Variants in SRGAP1 observed in about 807,000 individuals in gnomAD.
SRGAP1 encodes the protein SLIT-ROBO Rho GTPase-activating protein 1.
SRGAP1 carries 43 observed loss-of-function variants against 121.9 expected under a neutral mutation model. The ratio of observed to expected loss-of-function variants is 0.35; its 90% confidence interval spans 0.28 to 0.46. The LOEUF (loss-of-function observed/expected upper bound fraction) is 0.46, where lower values mean the gene tolerates loss of function less well. Among genes scored for constraint, SRGAP1 ranks in the 20% least tolerant of loss-of-function variants. The pLI is 1.00. For missense variants in SRGAP1, 1,102 were observed against 1,350.9 expected, an observed-to-expected ratio of 0.82 and a Z score of 2.89; for synonymous variants, 447 against 485.4, an observed-to-expected ratio of 0.92 and a Z score of 1.04.
chr12:64,127,891 A>G lies in SRGAP1; in HGVS notation c.2571A>G (p.Pro857=), dbSNP rs1304945423. ...GAAAAAGAGGAGAGCCACCCCCTCC[A>G]GTAAGGCGTCCTGGCAGGACCAGTG... ...RQRKRGEPPP[P]VRRPGRTSDG... Residue 857 remains proline, a synonymous_variant, in exon 21 of 22, where the codon CCA becomes CCG. Coordinates refer to ENST00000355086, the MANE Select transcript of SRGAP1 (RefSeq NM_020762.4). 2 of 1,613,094 alleles carry G rather than the reference A, an allele frequency of 1.2e-6. No homozygotes were observed. Among genetic ancestry groups the G allele is most frequent in the Non-Finnish European group, 1.7e-6 (2 of 1,179,276 alleles).
chr12:63,862,976 A>G (rs1899505048), intron 1 of SRGAP1, among the ~76,000 whole-genome samples: 1 of 152,168 alleles, frequency 6.6e-6, no homozygotes, highest in Non-Finnish European at 1.5e-5. Flanking sequence ...GCACCTTTTT[A>G]GAAACTTGCA....
chr12:64,156,777 G>T lies in SRGAP1; in HGVS notation c.*14105G>T, dbSNP rs2037167263. ...AATCACATTTGCCATGTTTTCTATG[G>T]CTTTGGGCTGCTGCTGCATCACTGC... On this transcript the variant is annotated 3_prime_UTR_variant, in exon 22 of 22. Coordinates refer to ENST00000355086, the MANE Select transcript of SRGAP1 (RefSeq NM_020762.4). 6.6e-6 allele frequency: 1 copy of T among 152,198 alleles called. No individual in the cohort carries two copies. 9.4% of individuals were successfully genotyped at this position (152,198 alleles called of 1,614,324 possible). A position where few individuals can be genotyped will look rare whatever the true frequency, so the allele number is the denominator to read the frequency against.
chr12:63,987,050 T>A (rs1014066255), intron 2 of SRGAP1, among the ~76,000 whole-genome samples: 3 of 152,236 alleles, frequency 2.0e-5, no homozygotes, highest in African/African-American at 7.2e-5. Flanking sequence ...TTACTTAACC[T>A]CTCTGAGCCT....
intron 1 of SRGAP1, among the ~76,000 whole-genome samples, chr12:63,948,797 T>TATATATATATTCC (rs59473716): frequency 7.0e-6 from 1 of 142,848 alleles, no homozygotes; most frequent in Non-Finnish European, 1.5e-5. Flanking sequence ...ATGTTTTCCA[T>TATATATATATTCC]ATATATATAT....
intron 1 of SRGAP1, among the ~76,000 whole-genome samples, chr12:63,955,327 A>C (rs1295839186): frequency 2.0e-5 from 3 of 152,222 alleles, no homozygotes; most frequent in Non-Finnish European, 4.4e-5. Context: ...TCAAGAAAAA[A>C]AATAAATAAA....
At position 64,097,367 on chromosome 12, in the gene SRGAP1, C is replaced by A. The variant is rs2036177553; in HGVS notation, c.1805C>A (p.Ser602Tyr). 6.2e-7 allele frequency: 1 copy of A among 1,606,532 alleles called. No individual in the cohort carries two copies. Among genetic ancestry groups the A allele is most frequent in the Middle Eastern group, 1.7e-4 (1 of 6,014 alleles). The change falls in exon 15 of 22, where the codon TCT becomes TAT. Residue 602 changes from serine (S) to tyrosine (Y), a missense_variant. This residue lies in a region of SRGAP1 where 747 missense variants were observed against 929.4 expected (regional missense o/e 0.80). Coordinates refer to ENST00000355086, the MANE Select transcript of SRGAP1 (RefSeq NM_020762.4). ...AAGGAAAGATTTAACGATCTGATTTCTTGTATCAGTAAGTGGACATTTTTT... is the reference window on the plus strand; with the variant it reads ...AAGGAAAGATTTAACGATCTGATTTATTGTATCAGTAAGTGGACATTTTTT... Reference protein sequence around the residue: ...FPKERFNDLISCIRIDNLYER... With the variant: ...FPKERFNDLIYCIRIDNLYER...
At position 64,039,605 on chromosome 12, in the gene SRGAP1, C is replaced by G. The variant is rs1593068034; in HGVS notation, c.490-3185C>G. Among the ~76,000 whole-genome samples, 3 of 102,512 alleles carry G rather than the reference C, an allele frequency of 2.9e-5. No homozygotes were observed. The East Asian group carries it at 7.1e-4, about 24-fold the overall frequency. 67.3% of individuals were successfully genotyped at this position (102,512 alleles called of 152,430 possible). On this transcript the variant is annotated intron_variant, in intron 4 of 21. Coordinates refer to ENST00000355086, the MANE Select transcript of SRGAP1 (RefSeq NM_020762.4). ...GTTCTCATTTCCTCACTCCTATTAG[C>G]AAGAATACAGACAGCTGAGCAACGT...
At chr12:63,905,948 A>G (rs1226811547) in intron 1 of SRGAP1, among the ~76,000 whole-genome samples, 1 of 152,224 alleles carries the variant, frequency 6.6e-6, no homozygotes, top group Admixed American at 6.5e-5. Flanking sequence ...TGAGAAGCCT[A>G]AATTGATACA....
chr12:63,862,997 C>T (rs533290299), intron 1 of SRGAP1, among the ~76,000 whole-genome samples: 1 of 152,188 alleles, frequency 6.6e-6, no homozygotes, highest in African/African-American at 2.4e-5. Context: ...CTAGAAAAGG[C>T]GAGGAATGTT....
At chr12:64,098,677 A>AT (rs2036206599) in intron 15 of SRGAP1, among the ~76,000 whole-genome samples, 1 of 150,134 alleles carries the variant, frequency 6.7e-6, no homozygotes, top group Admixed American at 6.6e-5. Flanking sequence ...CTCAAAAAAA[A>AT]ATAAAAAAAT....
In SRGAP1 at chr12:64,147,231, A is replaced by G; in HGVS notation, c.*4559A>G. On this transcript the variant is annotated 3_prime_UTR_variant, in exon 22 of 22. Coordinates refer to ENST00000355086, the MANE Select transcript of SRGAP1 (RefSeq NM_020762.4). ...CGGTTTGATCAATTGCGGTACCGGT[A>G]GCTTCCTGCTTGTGACTGTTACCTA... The G allele has an allele frequency of 2.8e-6, 1 of 354,600 alleles. No homozygotes were observed. Among genetic ancestry groups the G allele is most frequent in the Non-Finnish European group, 5.0e-6 (1 of 198,344 alleles). 22.0% of individuals were successfully genotyped at this position (354,600 alleles called of 1,614,324 possible).
At chr12:63,972,027 A>G (rs1314211892) in intron 1 of SRGAP1, among the ~76,000 whole-genome samples, 7 of 152,200 alleles carry the variant, frequency 4.6e-5, no homozygotes, top group African/African-American at 1.7e-4. Flanking sequence ...TTAAATCAAA[A>G]TAAGAAAGTT....
chr12:63,954,593 G>A (rs2032399741), intron 1 of SRGAP1, among the ~76,000 whole-genome samples: 1 of 151,126 alleles, frequency 6.6e-6, no homozygotes, highest in Non-Finnish European at 1.5e-5. Context: ...CAGGAGAATG[G>A]CGTGAACCCG....
At chr12:63,860,881 A>G (rs926909896) in intron 1 of SRGAP1, among the ~76,000 whole-genome samples, 2 of 149,904 alleles carry the variant, frequency 1.3e-5, no homozygotes, top group African/African-American at 4.9e-5. Flanking sequence ...ACTGGAGTGC[A>G]GTGCTTTTCA....
chr12:64,079,669 G>C (rs749505061), intron 9 of SRGAP1, among the ~76,000 whole-genome samples: 7 of 150,768 alleles, frequency 4.6e-5, no homozygotes, highest in South Asian at 2.1e-4. Flanking sequence ...CTGGGCAAGA[G>C]AGTGAGACCC....
At position 64,006,548 on chromosome 12, in the gene SRGAP1, G is replaced by C. The variant is rs756025516; in HGVS notation, c.427-10402G>C. Among the ~76,000 whole-genome samples, 250 of 152,312 alleles carry C rather than the reference G, an allele frequency of 1.6e-3. 2 individuals carry two copies. Among genetic ancestry groups the C allele is most frequent in the Admixed American group, 4.3e-3 (66 of 15,298 alleles). ...ATCTAAGCAATTAAGGATGCTAAGA[G>C]AGTTTTAAAGCAGATATATGACTTA... On this transcript the variant is annotated intron_variant, in intron 3 of 21. Coordinates refer to ENST00000355086, the MANE Select transcript of SRGAP1 (RefSeq NM_020762.4).
chr12:64,029,330 TA>T (rs1267240290), intron 4 of SRGAP1, among the ~76,000 whole-genome samples: 1 of 152,224 alleles, frequency 6.6e-6, no homozygotes, highest in African/African-American at 2.4e-5. Context: ...GTTATAGGAT[TA>T]TTTTTATTGC....
chr12:64,000,239 G>GGTGTGTGTGTGTGTGTGTGT (rs58289093), intron 3 of SRGAP1, among the ~76,000 whole-genome samples: 1 of 131,526 alleles, frequency 7.6e-6, no homozygotes, highest in African/African-American at 2.9e-5. Flanking sequence ...GAAAGGTAGG[G>GGTGTGTGTGTGTGTGTGTGT]GTGTGTGTGT....
intron 16 of SRGAP1, among the ~76,000 whole-genome samples, chr12:64,109,442 A>G (rs2036398172): frequency 6.6e-6 from 1 of 152,232 alleles, no homozygotes. Context: ...AGAAAATCAT[A>G]GATGGGAGCT....
Sources: allele counts gnomAD v4.1 joint callset (sites outside exome capture counted in the v4.1 genomes callset), GRCh38; gene constraint gnomAD v4.1.1; regional missense constraint gnomAD v4.1.1; transcripts MANE v1.5; gene names NCBI Gene and HGNC (gene_info 2026-07-23, HGNC 2026-07-21).